Variants in SCOC observed in about 807,000 individuals in gnomAD.
SCOC encodes the protein short coiled coil protein.
A neutral mutation model predicts 9.9 loss-of-function variants in SCOC; 7 were observed. The ratio of observed to expected loss-of-function variants is 0.71; its 90% confidence interval spans 0.40 to 1.33. The LOEUF (loss-of-function observed/expected upper bound fraction) is 1.33. Among genes scored for constraint, SCOC ranks in the 40% most tolerant of loss-of-function variants. The probability of loss-of-function intolerance (pLI) is 0.01; values close to 1 mark genes in which losing one functional copy is unlikely to be tolerated. For missense variants in SCOC, 66 were observed against 89.7 expected, an observed-to-expected ratio of 0.74 and a Z score of 1.07; for synonymous variants, 19 against 28.2, an observed-to-expected ratio of 0.67 and a Z score of 1.03.
chr4:140,315,645 G>A (rs970734886), intron 1 of SCOC, among the ~76,000 whole-genome samples: 4 of 152,236 alleles, frequency 2.6e-5, no homozygotes, highest in Non-Finnish European at 5.9e-5. Flanking sequence ...GTGGCCTCCT[G>A]TGACCCCTGC....
At chr4:140,301,728 C>CA (rs1265319433) in intron 1 of SCOC, among the ~76,000 whole-genome samples, 9 of 152,328 alleles carry the variant, frequency 5.9e-5, no homozygotes, top group African/African-American at 1.9e-4. Flanking sequence ...TGCATGTACT[C>CA]AAAGTTTACA....
At chr4:140,324,932 A>G (rs1337566249) in intron 1 of SCOC, among the ~76,000 whole-genome samples, 1 of 152,140 alleles carries the variant, frequency 6.6e-6, no homozygotes, top group Non-Finnish European at 1.5e-5. Context: ...TTCAAGACTT[A>G]TTCAAAACCT....
At chr4:140,299,386 C>T (rs997072196) in intron 1 of SCOC, among the ~76,000 whole-genome samples, 1 of 152,176 alleles carries the variant, frequency 6.6e-6, no homozygotes, top group Admixed American at 6.5e-5. Context: ...AAAGAAAAAT[C>T]AGTTCAGAAT....
chr4:140,269,342 G>T (rs1011742905), intron 1 of SCOC, among the ~76,000 whole-genome samples: 1 of 152,158 alleles, frequency 6.6e-6, no homozygotes, highest in African/African-American at 2.4e-5. Context: ...GATCATAAAA[G>T]GCCATGTAGC....
chr4:140,273,896 C>T (rs1730918994), intron 1 of SCOC, among the ~76,000 whole-genome samples: 1 of 152,148 alleles, frequency 6.6e-6, no homozygotes, highest in African/African-American at 2.4e-5. Context: ...CAAACATATT[C>T]AGATTATAAT....
chr4:140,288,647 A>G (rs1490302785), intron 1 of SCOC, among the ~76,000 whole-genome samples: 1 of 151,786 alleles, frequency 6.6e-6, no homozygotes, highest in Non-Finnish European at 1.5e-5. Context: ...GTATATACAC[A>G]CAAAACACCA....
intron 2 of SCOC, among the ~76,000 whole-genome samples, chr4:140,355,970 G>A (rs1250215344): frequency 6.6e-6 from 1 of 152,168 alleles, no homozygotes; most frequent in Non-Finnish European, 1.5e-5. Flanking sequence ...TAACATGGGT[G>A]ATAATTTTCA....
At chr4:140,358,104 TC>T (rs1231013312) in intron 2 of SCOC, among the ~76,000 whole-genome samples, 1 of 152,178 alleles carries the variant, frequency 6.6e-6, no homozygotes, top group Non-Finnish European at 1.5e-5. Context: ...CTTCTGTCCT[TC>T]CCCTGATTCA....
intron 1 of SCOC, among the ~76,000 whole-genome samples, chr4:140,305,339 G>A (rs1365108742): frequency 6.6e-6 from 1 of 152,172 alleles, no homozygotes; most frequent in Admixed American, 6.5e-5. Context: ...GTCAATATTT[G>A]TTGGACATAC....
At chr4:140,370,611 T>C (rs954088502), upstream of SCOC, among the ~76,000 whole-genome samples, 2 of 152,222 alleles carry the variant, frequency 1.3e-5, no homozygotes, top group African/African-American at 4.8e-5. Flanking sequence ...ATCTGTATAG[T>C]TGTTTTACAA....
At chr4:140,296,070 A>T (rs1157795940) in intron 1 of SCOC, among the ~76,000 whole-genome samples, 3 of 151,966 alleles carry the variant, frequency 2.0e-5, no homozygotes, top group Non-Finnish European at 2.9e-5. Context: ...TGCATTTTTT[A>T]AAAGTTCCCT....
Position 140,264,849 on chromosome 4 carries a change from G to A in SCOC, c.-19+7439G>A, listed in dbSNP as rs538287933. Among the ~76,000 whole-genome samples, 55 of 152,262 alleles carry A rather than the reference G, an allele frequency of 3.6e-4. 1 individual carries two copies. In the South Asian group the frequency reaches 8.3e-3, roughly 23 times the overall value. On this transcript the variant is annotated intron_variant, in intron 1 of 4. Coordinates refer to the SCOC transcript ENST00000394205. ...AATCAAGAAGATTATGCTCTGCTTC[G>A]TTTAGAGTGCTGTCAGGAGTGGTTC...
intron 1 of SCOC, among the ~76,000 whole-genome samples, chr4:140,315,995 G>A (rs1732307730): frequency 6.6e-6 from 1 of 152,108 alleles, no homozygotes; most frequent in Admixed American, 6.5e-5. Flanking sequence ...GTCTCTAGCT[G>A]TGTTTCTTCA....
chr4:140,352,331 A>G (rs1727017435), intron 2 of SCOC, among the ~76,000 whole-genome samples: 1 of 152,234 alleles, frequency 6.6e-6, no homozygotes. Context: ...GGCATTTGGG[A>G]TCCATATAAG....
intron 1 of SCOC, among the ~76,000 whole-genome samples, chr4:140,290,013 T>C (rs541489117): frequency 1.3e-5 from 2 of 152,340 alleles, no homozygotes; most frequent in Non-Finnish European, 2.9e-5. Flanking sequence ...CCAGGACTCC[T>C]CACCAATCTT....
At chr4:140,353,413 CTT>C (rs1158574514) in intron 2 of SCOC, among the ~76,000 whole-genome samples, 2 of 145,562 alleles carry the variant, frequency 1.4e-5, no homozygotes, top group African/African-American at 2.6e-5. Flanking sequence ...TTTTCTTTTT[CTT>C]TTTTTTTTTT....
chr4:140,380,711 A>G (rs1016947632), intron 3 of SCOC, among the ~76,000 whole-genome samples: 1 of 152,202 alleles, frequency 6.6e-6, no homozygotes, highest in Admixed American at 6.5e-5. Context: ...TTTTAAAAAC[A>G]AAGTCTTTTT....
chr4:140,314,133 T>C (rs1359039318), intron 1 of SCOC: 6 of 164,086 alleles, frequency 3.7e-5, no homozygotes, highest in South Asian at 1.6e-4. Flanking sequence ...AAAAAAAGAA[T>C]GCATATGGTC....
intron 1 of SCOC, among the ~76,000 whole-genome samples, chr4:140,374,920 A>G (rs1016848493): frequency 6.6e-6 from 1 of 152,232 alleles, no homozygotes; most frequent in African/African-American, 2.4e-5. Flanking sequence ...GAAATAACAT[A>G]TGCAAAGCAT....
Sources: allele counts gnomAD v4.1 joint callset (sites outside exome capture counted in the v4.1 genomes callset), GRCh38; gene constraint gnomAD v4.1.1; transcripts MANE v1.5; gene names NCBI Gene and HGNC (gene_info 2026-07-23, HGNC 2026-07-21).